Variants in ABCA3 observed in about 807,000 individuals in gnomAD.
ABCA3 encodes phospholipid-transporting ATPase ABCA3.
ABCA3 carries 88 observed loss-of-function variants against 172.8 expected under a neutral mutation model. The observed-to-expected ratio is 0.51, with a 90% CI of 0.43 to 0.61. ABCA3 has a LOEUF of 0.61. ABCA3 is among the 20% of genes least tolerant of loss of function. ABCA3 has a pLI of 0.00. For synonymous variants in ABCA3, 1,066 were observed against 983.8 expected, an observed-to-expected ratio of 1.08 and a Z score of -1.56; for missense variants, 2,164 against 2,301.0, an observed-to-expected ratio of 0.94 and a Z score of 1.22.
intron 1 of ABCA3, among the ~76,000 whole-genome samples, chr16:2,331,359 C>T (rs1426926960): frequency 1.3e-5 from 2 of 152,152 alleles, no homozygotes; most frequent in African/African-American, 2.4e-5. Flanking sequence ...CCACCACGCC[C>T]GGCTAATTCT....
chr16:2,318,308 C>T (rs900831158), intron 8 of ABCA3, among the ~76,000 whole-genome samples: 2 of 152,254 alleles, frequency 1.3e-5, no homozygotes, highest in African/African-American at 4.8e-5. Flanking sequence ...CTGACCACAC[C>T]TTCCTTCCTC....
chr16:2,297,250 C>A lies in ABCA3; in HGVS notation c.2263+79G>T. 6.6e-7 allele frequency: 1 copy of A among 1,510,474 alleles called. No homozygotes were observed. 93.6% of individuals were successfully genotyped at this position (1,510,474 alleles called of 1,614,324 possible). A position where few individuals can be genotyped will look rare whatever the true frequency, so the allele number is the denominator to read the frequency against. The stretch of plus-strand genomic sequence containing the variant: ...GGCCACCCCTGCCTGATCTGAGGGC[C>A]CTTCATGAAGGTAGCAGCCATTCCC... On this transcript the variant is annotated intron_variant, in intron 17 of 32. Transcript: ENST00000301732. This position sits in a 1 kb window ranked among gnomAD's most constrained non-coding sequence, Gnocchi z 5.6.
chr16:2,334,113 T>C (rs2093747771), intron 1 of ABCA3, among the ~76,000 whole-genome samples: 1 of 152,052 alleles, frequency 6.6e-6, no homozygotes, highest in Non-Finnish European at 1.5e-5. Flanking sequence ...ATTAATTGCG[T>C]GTGTGAGACA....
chr16:2,308,998 T>G (rs528288125), intron 10 of ABCA3, among the ~76,000 whole-genome samples: 56 of 151,648 alleles, frequency 3.7e-4, no homozygotes, highest in African/African-American at 1.2e-3. Context: ...CAGGCTGGAG[T>G]GCAGTGGCAC....
chr16:2,339,413 C>T (rs2141755762), intron 1 of ABCA3: 1 of 152,336 alleles, frequency 6.6e-6, no homozygotes, highest in South Asian at 2.1e-4. Context: ...GAAAAATTAT[C>T]TAAGAAGTTA....
Position 2,281,083 on chromosome 16 carries a change from G to C in ABCA3, c.4303C>G (p.Leu1435Val), listed in dbSNP as rs750703859. 1.5e-5 allele frequency: 24 copies of C among 1,613,774 alleles called. No individual in the cohort carries two copies. Among genetic ancestry groups the C allele is most frequent in the Non-Finnish European group, 2.0e-5 (24 of 1,180,036 alleles). The change falls in exon 28 of 33, where the codon CTC (leucine) becomes GTC (valine). Residue 1435 changes from leucine (L) to valine (V), a missense_variant. Coordinates refer to ENST00000301732, the MANE Select transcript of ABCA3 (RefSeq NM_001089.3). This position sits in a 1 kb window ranked among gnomAD's most constrained non-coding sequence, Gnocchi z 4.7. The stretch of plus-strand genomic sequence containing the variant: ...CCGACAAAGGCATCCCCAGAAGTGA[G>C]GCTCTCCTCCCCGGTCAGCATTTTG... Reference protein sequence around the residue: ...TFKMLTGEESLTSGDAFVGGH... With the variant: ...TFKMLTGEESVTSGDAFVGGH...
chr16:2,337,352 A>C (rs924775557), intron 1 of ABCA3, among the ~76,000 whole-genome samples: 1 of 151,366 alleles, frequency 6.6e-6, no homozygotes, highest in Non-Finnish European at 1.5e-5. Context: ...ATAACAGTAC[A>C]CATGAAAAAA....
intron 14 of ABCA3, 146 bp from the exon 15 acceptor site, chr16:2,298,686 G>T: frequency 1.0e-6 from 1 of 984,828 alleles, no homozygotes; most frequent in Non-Finnish European, 1.5e-6. Flanking sequence ...ACTCCCACTG[G>T]GGTGGGCTTT....
At chr16:2,330,411 C>T (rs1200712845) in intron 1 of ABCA3, among the ~76,000 whole-genome samples, 1 of 151,182 alleles carries the variant, frequency 6.6e-6, no homozygotes, top group African/African-American at 2.4e-5. Context: ...CCTCCACCTC[C>T]CAGGTTCAAG....
intron 1 of ABCA3, among the ~76,000 whole-genome samples, chr16:2,336,677 C>G (rs1255411117): frequency 6.9e-6 from 1 of 145,810 alleles, no homozygotes; most frequent in East Asian, 2.0e-4. Context: ...TGACCTCAAG[C>G]AATCCACCCA....
chr16:2,276,841 C>T, intron 32 of ABCA3, 36 bp from the exon 33 acceptor site: 1 of 1,612,604 alleles, frequency 6.2e-7, no homozygotes. Flanking sequence ...TAGGAGAGAA[C>T]AGGGCCCAGG....
chr16:2,338,392 T>A (rs2093755173), intron 1 of ABCA3, among the ~76,000 whole-genome samples: 1 of 152,200 alleles, frequency 6.6e-6, no homozygotes, highest in African/African-American at 2.4e-5. Context: ...AGCCCACTTC[T>A]AGTACCATGG....
At chr16:2,317,795 G>A (rs1343616360) in intron 8 of ABCA3, 31 bp from the exon 9 acceptor site, 2 of 1,592,698 alleles carry the variant, frequency 1.3e-6, no homozygotes, top group African/African-American at 1.3e-5. Context: ...GCTGCTGGGG[G>A]CCCGTCACTG....
In ABCA3 at chr16:2,287,735, C is replaced by A. The variant is rs1025502846; in HGVS notation, c.3004+291G>T. The stretch of plus-strand genomic sequence containing the variant: ...AAGACACAGCTTCAGTAAAAAGACG[C>A]CTGACAAAGCCTGGCCCCAGGATGC... On this transcript the variant is annotated intron_variant, in intron 21 of 32. Transcript: ENST00000301732. The surrounding 1 kb of genome is among the most constrained non-coding windows in gnomAD (Gnocchi z 4.1). 6.6e-6 allele frequency among the ~76,000 whole-genome samples: 1 copy of A among 152,218 alleles called. No homozygotes were observed. The highest frequency in any genetic ancestry group is 2.4e-5 in the African/African-American group (1 of 41,442).
intron 3 of ABCA3, among the ~76,000 whole-genome samples, chr16:2,327,966 C>T (rs949065565): frequency 1.3e-5 from 2 of 152,170 alleles, no homozygotes; most frequent in South Asian, 4.1e-4. Flanking sequence ...AATGATCCGC[C>T]CGCCTCAGCC....
rs2093647020 is a variant in ABCA3 at position 2,276,733 on chromosome 16, C to T, written c.5056G>A (p.Glu1686Lys). The T allele has an allele frequency of 3.7e-6, 6 of 1,613,890 alleles. No individual in the cohort carries two copies. Among genetic ancestry groups the T allele is most frequent in the Non-Finnish European group, 5.1e-6 (6 of 1,180,060 alleles). The change falls in exon 33 of 33, where the codon GAA becomes AAA. Residue 1686 changes from glutamate to lysine, a missense_variant. By Grantham distance (56) the Glu-to-Lys change is moderately conservative (BLOSUM62 1). This residue lies in a region of ABCA3 where 795 missense variants were observed against 881.9 expected (regional missense o/e 0.90). Transcript: ENST00000301732. ...TGGGCGAAGCTCAGGAAGACCTGTTCCAGCGAGATCTGGCTCACGGAGTAG... is the reference window on the plus strand; with the variant it reads ...TGGGCGAAGCTCAGGAAGACCTGTTTCAGCGAGATCTGGCTCACGGAGTAG... ...DDYSVSQISL[E>K]QVFLSFAHLQ... is the part of the protein sequence containing the mutation.
In ABCA3 at chr16:2,292,373, G is replaced by A. The variant is rs1011219959; in HGVS notation, c.2415-135C>T. 4.2e-6 allele frequency: 3 copies of A among 719,282 alleles called. No homozygotes were observed. In the Admixed American group the frequency reaches 6.1e-5, roughly 15 times the overall value. The allele number at this position is 719,282 out of a possible 1,614,324, so 44.6% of individuals were successfully genotyped here. On this transcript the variant is annotated intron_variant, in intron 18 of 32. Coordinates refer to ENST00000301732, the MANE Select transcript of ABCA3 (RefSeq NM_001089.3). ...CCAGCACTTTGGGACGCCAAGGCGG[G>A]CGGATCACCTGAGATCAGGAGTTCG...
rs756078733 is a variant in ABCA3 at position 2,279,150 on chromosome 16, G to T, written c.4360-20C>A. On this transcript the variant is annotated intron_variant, in intron 28 of 32. Transcript: ENST00000301732. The surrounding 1 kb of genome is among the most constrained non-coding windows in gnomAD (Gnocchi z 4.4). ...CCGCACCTGGGGTCGGAGCATAGCC[G>T]GGGAGGGAGGCGGGTTGGAGGGAAG... The T allele has an allele frequency of 6.2e-7, 1 of 1,608,302 alleles. No homozygotes were observed. Among genetic ancestry groups the T allele is most frequent in the African/African-American group, 1.3e-5 (1 of 75,008 alleles).
intron 20 of ABCA3, among the ~76,000 whole-genome samples, chr16:2,288,656 T>C (rs2093666995): frequency 6.6e-6 from 1 of 152,176 alleles, no homozygotes; most frequent in South Asian, 2.1e-4. Flanking sequence ...CCTGGGTTCC[T>C]ACCTCAGCCT....
Sources: allele counts gnomAD v4.1 joint callset (sites outside exome capture counted in the v4.1 genomes callset), GRCh38; gene constraint gnomAD v4.1.1; regional missense constraint gnomAD v4.1.1; non-coding constraint Gnocchi (gnomAD v3.1); transcripts MANE v1.5; gene names NCBI Gene and HGNC (gene_info 2026-07-23, HGNC 2026-07-21).